Variants in ZNF695 observed in about 807,000 individuals in gnomAD.
The protein encoded by ZNF695 is zinc finger protein SBZF3.
Under a neutral mutation model 11.2 loss-of-function variants are expected in ZNF695, and 11 were observed. That is an observed-to-expected ratio of 0.98 (90% confidence interval 0.62 to 1.62). ZNF695 has a LOEUF of 1.62. Ranked by LOEUF, ZNF695 falls within the 40% of genes most tolerant of loss-of-function variation. ZNF695 has a pLI of 0.00. For missense variants in ZNF695, 559 were observed against 590.5 expected (o/e 0.95, Z 0.55); for synonymous variants, 190 against 201.4 (o/e 0.94, Z 0.48).
At chr1:246,995,153 T>C (rs1376880351) in intron 3 of ZNF695, among the ~76,000 whole-genome samples, 1 of 152,210 alleles carries the variant, frequency 6.6e-6, no homozygotes, top group African/African-American at 2.4e-5. Context: ...AACATTCTCC[T>C]TGACAGACCA....
intron 5 of ZNF695, among the ~76,000 whole-genome samples, chr1:246,948,511 CT>C (rs1667794329): frequency 6.6e-6 from 1 of 152,124 alleles, no homozygotes; most frequent in African/African-American, 2.4e-5. Context: ...ACTTGGCTGA[CT>C]TTTTTTCCAA....
At chr1:246,970,725 G>A (rs144483467) in intron 4 of ZNF695, among the ~76,000 whole-genome samples, 1 of 152,232 alleles carries the variant, frequency 6.6e-6, no homozygotes, top group Non-Finnish European at 1.5e-5. Context: ...GAGGAGTAAA[G>A]ACCCTTAGTA....
At chr1:246,973,218 T>G (rs970877672) in intron 4 of ZNF695, among the ~76,000 whole-genome samples, 13 of 151,984 alleles carry the variant, frequency 8.6e-5, no homozygotes, top group Middle Eastern at 3.4e-3. Flanking sequence ...CCAGGCTAAT[T>G]TTGTATTTTT....
chr1:246,988,570 A>C (rs1409957453), intron 3 of ZNF695, among the ~76,000 whole-genome samples: 1 of 152,206 alleles, frequency 6.6e-6, no homozygotes, highest in Non-Finnish European at 1.5e-5. Context: ...GAAAGAAAAA[A>C]AACCTTTACC....
chr1:246,983,256 T>C (rs1206653461), downstream of ZNF695, among the ~76,000 whole-genome samples: 2 of 149,588 alleles, frequency 1.3e-5, no homozygotes, highest in East Asian at 4.0e-4. Flanking sequence ...TGGTGGCACA[T>C]GCCTGTAATG....
chr1:247,007,864 AC>A (rs751879461), intron 1 of ZNF695, 41 bp downstream of exon 1: 7 of 1,513,598 alleles, frequency 4.6e-6, no homozygotes, highest in South Asian at 2.6e-5. Flanking sequence ...GATTCCAACC[AC>A]CCCCTCTCCC....
chr1:246,971,235 CATT>C (rs1417578163), intron 4 of ZNF695, among the ~76,000 whole-genome samples: 4 of 152,182 alleles, frequency 2.6e-5, no homozygotes, highest in African/African-American at 9.7e-5. Flanking sequence ...CAGCTTACAT[CATT>C]ATTTCTTCTG....
chr1:246,951,877 C>T (rs190085075), intron 5 of ZNF695, among the ~76,000 whole-genome samples: 8 of 152,196 alleles, frequency 5.3e-5, no homozygotes, highest in South Asian at 2.1e-4. Flanking sequence ...CTTCTCCCCC[C>T]GCTCTTTGTC....
chr1:246,995,418 G>A (rs146518572), intron 3 of ZNF695, among the ~76,000 whole-genome samples: 7 of 152,242 alleles, frequency 4.6e-5, no homozygotes, highest in Admixed American at 2.6e-4. Context: ...TCACAATTTC[G>A]TTTTTGCAGA....
At chr1:246,991,206 C>T (rs115332761) in intron 3 of ZNF695, among the ~76,000 whole-genome samples, 177 of 152,124 alleles carry the variant, frequency 1.2e-3, no homozygotes, top group Non-Finnish European at 2.1e-3. Flanking sequence ...ACCTCTAAGA[C>T]ATTAGTCTAA....
Position 246,986,096 on chromosome 1 carries a change from G to T in ZNF695, c.*871C>A, listed in dbSNP as rs1668838757. On this transcript the variant is annotated 3_prime_UTR_variant, in exon 4 of 4. Coordinates refer to ENST00000339986, the MANE Select transcript of ZNF695 (RefSeq NM_020394.5). Reference sequence around the variant, plus strand: ...TTGTTATTATTATTATTGAGAAAGGGTCTTGCTCTGTTGCCCAGGCAGGAG... The same window carrying T: ...TTGTTATTATTATTATTGAGAAAGGTTCTTGCTCTGTTGCCCAGGCAGGAG... The T allele has an allele frequency of 2.1e-6, 2 of 948,200 alleles. No homozygotes were observed. The highest frequency in any genetic ancestry group is 1.3e-6 in the Non-Finnish European group (1 of 796,208). 58.7% of individuals were successfully genotyped at this position (948,200 alleles called of 1,614,324 possible). A position where few individuals can be genotyped will look rare whatever the true frequency, so the allele number is the denominator to read the frequency against.
At chr1:247,007,389 G>T (rs1254839778) in intron 1 of ZNF695, among the ~76,000 whole-genome samples, 1 of 151,542 alleles carries the variant, frequency 6.6e-6, no homozygotes, top group African/African-American at 2.4e-5. Context: ...CCAGCTACTC[G>T]GGAGGCTGAG....
chr1:246,970,740 G>A (rs1173311672), intron 4 of ZNF695, among the ~76,000 whole-genome samples: 1 of 152,196 alleles, frequency 6.6e-6, no homozygotes, highest in Non-Finnish European at 1.5e-5. Context: ...TTAGTAGAAC[G>A]GCTAAAAACA....
rs1400797145 is a variant in ZNF695 at position 246,987,885 on chromosome 1, G to A, written c.630C>T (p.Asn210=). The change falls in exon 4 of 4, where the codon AAC becomes AAT. Residue 210 remains asparagine (N), a synonymous_variant. Transcript: ENST00000339986. ...TGCCACATTTTTTACATTGGTACGG[G>A]TTCTCTCCAATATGGATTCTCTGCT... The part of the protein sequence containing the change: ...TQQQRIHIGE[N]PYQCKKCGKA... The A allele has an allele frequency of 1.2e-6, 2 of 1,609,842 alleles. No individual in the cohort carries two copies. The highest frequency in any genetic ancestry group is 8.5e-7 in the Non-Finnish European group (1 of 1,178,816).
chr1:246,960,253 G>A (rs895741352), intron 5 of ZNF695, among the ~76,000 whole-genome samples: 25 of 152,102 alleles, frequency 1.6e-4, no homozygotes, highest in African/African-American at 6.0e-4. Context: ...AGTTTTATCT[G>A]GAACACTAAT....
downstream of ZNF695, among the ~76,000 whole-genome samples, chr1:246,983,855 A>G (rs184246932): frequency 1.1e-4 from 17 of 151,922 alleles, no homozygotes; most frequent in Admixed American, 2.6e-4. Context: ...CTATCATCAC[A>G]TTAAAAAATT....
chr1:246,951,231 T>G (rs1023977585), intron 5 of ZNF695, among the ~76,000 whole-genome samples: 5 of 152,142 alleles, frequency 3.3e-5, no homozygotes, highest in Non-Finnish European at 5.9e-5. Flanking sequence ...CAAAAAGGTA[T>G]GCTGAAGTCC....
chr1:247,005,002 G>A (rs1374135714), intron 1 of ZNF695, among the ~76,000 whole-genome samples: 2 of 152,120 alleles, frequency 1.3e-5, no homozygotes, highest in African/African-American at 2.4e-5. Context: ...TAAAATGTCC[G>A]TAACTCCACA....
rs528525305 is a variant in ZNF695, at chr1:246,986,059, T to C, written c.*908A>G. 5.1e-6 allele frequency: 5 copies of C among 978,658 alleles called. No individual in the cohort carries two copies. The East Asian group carries it at 5.7e-4, about 111-fold the overall frequency. The allele number at this position is 978,658 out of a possible 1,614,324, so 60.6% of individuals were successfully genotyped here. A position where few individuals can be genotyped will look rare whatever the true frequency, so the allele number is the denominator to read the frequency against. The stretch of plus-strand genomic sequence containing the variant: ...AACTCTTTCAGTGCACCGAGTATAC[T>C]TTATTATTATGTTGTTATTATTATT... On this transcript the variant is annotated 3_prime_UTR_variant, in exon 4 of 4. Transcript: ENST00000339986.
Sources: gnomAD v4.1 joint callset for allele counts (sites outside exome capture counted in the v4.1 genomes callset) on GRCh38, gnomAD v4.1.1 for gene constraint, MANE v1.5 for transcripts, NCBI Gene and HGNC (gene_info 2026-07-23, HGNC 2026-07-21) for gene names.